Variants in MYO1E observed in about 807,000 individuals in gnomAD.
MYO1E encodes the protein myosin IE.
A neutral mutation model predicts 151.1 loss-of-function variants in MYO1E; 68 were observed. The ratio of observed to expected loss-of-function variants is 0.45; its 90% CI spans 0.37 to 0.55. The LOEUF (loss-of-function observed/expected upper bound fraction) is 0.55. Ranked by LOEUF, MYO1E falls within the 20% of genes least tolerant of loss-of-function variation. MYO1E has a pLI of 0.00. For missense variants in MYO1E, 1,363 were observed against 1,389.3 expected, an observed-to-expected ratio of 0.98 and a Z score of 0.30; for synonymous variants, 601 against 501.7, an observed-to-expected ratio of 1.20 and a Z score of -2.64.
intron 1 of MYO1E, among the ~76,000 whole-genome samples, chr15:59,275,822 C>A (rs1185537546): frequency 6.6e-6 from 1 of 152,216 alleles, no homozygotes; most frequent in Non-Finnish European, 1.5e-5. Context: ...TGCAGACCCT[C>A]AGCCCAGCCA....
chr15:59,279,315 G>C (rs1370649531), intron 1 of MYO1E, among the ~76,000 whole-genome samples: 1 of 152,152 alleles, frequency 6.6e-6, no homozygotes, highest in African/African-American at 2.4e-5. Context: ...CGGTGGAGAA[G>C]TGTTCCACCA....
At chr15:59,244,024 C>T (rs1182123590) in intron 4 of MYO1E, among the ~76,000 whole-genome samples, 1 of 152,090 alleles carries the variant, frequency 6.6e-6, no homozygotes, top group Non-Finnish European at 1.5e-5. Flanking sequence ...AACTAATTCT[C>T]AAATACATGC....
At chr15:59,349,520 GGGA>G (rs200345018) in intron 1 of MYO1E, among the ~76,000 whole-genome samples, 3,905 of 152,238 alleles carry the variant, frequency 0.026, 120 homozygotes, top group African/African-American at 0.065. Flanking sequence ...CAGCGAGTTA[GGGA>G]GGAGGATGAT....
In MYO1E at chr15:59,134,273, T is replaced by G. The variant is rs1461244918; in HGVS notation, c.*3107A>C. 1 of 152,336 alleles carries G rather than the reference T, an allele frequency of 6.6e-6. No individual in the cohort carries two copies. The highest frequency in any genetic ancestry group is 1.9e-4 in the East Asian group (1 of 5,196). 9.4% of individuals were successfully genotyped at this position (152,336 alleles called of 1,614,324 possible). On this transcript the variant is annotated 3_prime_UTR_variant, in exon 28 of 28. Coordinates refer to ENST00000288235, the MANE Select transcript of MYO1E (RefSeq NM_004998.4). Reference sequence around the variant, plus strand: ...CTGGGACCACACGTTGGGAGGTCAGTGGGTTGGCATCCTTCATGGTTGGGG... The same window carrying G: ...CTGGGACCACACGTTGGGAGGTCAGGGGGTTGGCATCCTTCATGGTTGGGG...
chr15:59,255,489 G>T (rs1482600975), intron 4 of MYO1E, among the ~76,000 whole-genome samples: 6 of 151,958 alleles, frequency 3.9e-5, no homozygotes, highest in African/African-American at 1.5e-4. Context: ...CCTCATCCCA[G>T]GCTCAAGCGA....
chr15:59,268,162 C>T (rs527238925), intron 2 of MYO1E, among the ~76,000 whole-genome samples: 59 of 152,296 alleles, frequency 3.9e-4, no homozygotes, highest in African/African-American at 1.4e-3. Flanking sequence ...TTATAATATT[C>T]CCTTAACATT....
chr15:59,362,027 G>C (rs2080888617), intron 1 of MYO1E, among the ~76,000 whole-genome samples: 3 of 151,818 alleles, frequency 2.0e-5, no homozygotes, highest in African/African-American at 7.3e-5. Flanking sequence ...AATAGAGATG[G>C]GGTTTCGCTA....
chr15:59,358,304 G>C (rs2080866251), intron 1 of MYO1E, among the ~76,000 whole-genome samples: 1 of 152,086 alleles, frequency 6.6e-6, no homozygotes. Context: ...GCTCCCTTTG[G>C]TTTACTGGCC....
intron 1 of MYO1E, among the ~76,000 whole-genome samples, chr15:59,313,355 A>T (rs929395356): frequency 2.6e-5 from 4 of 152,228 alleles, no homozygotes; most frequent in African/African-American, 9.6e-5. Context: ...ATATTTGGAA[A>T]AATTCATTAT....
In MYO1E at chr15:59,223,052, T is replaced by TA; in HGVS notation, c.910+6dup. 6.2e-7 allele frequency: 1 copy of TA among 1,613,834 alleles called. No homozygotes were observed. Among genetic ancestry groups the TA allele is most frequent in the Non-Finnish European group, 8.5e-7 (1 of 1,180,014 alleles). On this transcript the variant is annotated splice_region_variant and intron_variant, in intron 9 of 27. Coordinates refer to ENST00000288235, the MANE Select transcript of MYO1E (RefSeq NM_004998.4). ...TCATTCAATGGCCACATGCCAGGGCTACGCACACTCTTCACTCTCCACAGC... is the reference window on the plus strand; with the variant it reads ...TCATTCAATGGCCACATGCCAGGGCTAACGCACACTCTTCACTCTCCACAGC...
chr15:59,209,759 T>C (rs1443999653), intron 13 of MYO1E, among the ~76,000 whole-genome samples: 3 of 148,608 alleles, frequency 2.0e-5, no homozygotes, highest in Middle Eastern at 3.3e-3. Flanking sequence ...GGCTTTTATA[T>C]ATATAAAAAA....
chr15:59,158,089 G>A (rs1486925008), intron 25 of MYO1E, among the ~76,000 whole-genome samples, 198 bp downstream of exon 25: 2 of 152,246 alleles, frequency 1.3e-5, no homozygotes, highest in Non-Finnish European at 2.9e-5. Flanking sequence ...CTCAGCCGCA[G>A]TTCAGTCTCA....
chr15:59,256,818 C>T (rs77998958), intron 3 of MYO1E, among the ~76,000 whole-genome samples: 1,574 of 152,248 alleles, frequency 0.01, 32 homozygotes, highest in African/African-American at 0.036. Context: ...TAAACTCTTA[C>T]ATAATTTTTT....
intron 5 of MYO1E, among the ~76,000 whole-genome samples, chr15:59,236,328 A>G: frequency 7.0e-6 from 1 of 142,956 alleles, no homozygotes. Context: ...CCTGGGCAAC[A>G]GAGCAAGACT....
At chr15:59,145,806 G>A (rs566130320) in intron 26 of MYO1E, among the ~76,000 whole-genome samples, 1 of 152,182 alleles carries the variant, frequency 6.6e-6, no homozygotes, top group African/African-American at 2.4e-5. Flanking sequence ...GCACTCAGTA[G>A]TAGTCACACT....
intron 4 of MYO1E, among the ~76,000 whole-genome samples, chr15:59,242,188 T>C (rs912718655): frequency 5.3e-5 from 8 of 152,232 alleles, no homozygotes; most frequent in Non-Finnish European, 1.2e-4. Flanking sequence ...TGATATATTA[T>C]TTACTTAGTT....
At chr15:59,302,996 G>A (rs1262076783) in intron 1 of MYO1E, among the ~76,000 whole-genome samples, 4 of 152,102 alleles carry the variant, frequency 2.6e-5, no homozygotes, top group Non-Finnish European at 4.4e-5. Context: ...TTGTTGTCTG[G>A]TGAGAATACC....
chr15:59,233,208 T>C (rs972129758), intron 5 of MYO1E, among the ~76,000 whole-genome samples: 3 of 152,180 alleles, frequency 2.0e-5, no homozygotes. Flanking sequence ...TTCTATCTTT[T>C]CCCTTTTTAA....
Position 59,345,618 on chromosome 15 carries a change from C to T in MYO1E, c.3+26880G>A, listed in dbSNP as rs2080789986. On this transcript the variant is annotated intron_variant, in intron 1 of 27. Transcript: ENST00000288235. ...ATAGAACTGCCTAACTACTTTTATACTTCCTGTGATACAAGATGATTGAGG... is the reference window on the plus strand; with the variant it reads ...ATAGAACTGCCTAACTACTTTTATATTTCCTGTGATACAAGATGATTGAGG... 2.0e-5 allele frequency among the ~76,000 whole-genome samples: 3 copies of T among 152,216 alleles called. No individual in the cohort carries two copies. The South Asian group carries it at 6.2e-4, about 32-fold the overall frequency.
Sources: allele counts gnomAD v4.1 joint callset (sites outside exome capture counted in the v4.1 genomes callset), GRCh38; gene constraint gnomAD v4.1.1; transcripts MANE v1.5; gene names NCBI Gene and HGNC (gene_info 2026-07-23, HGNC 2026-07-21).